The following TMCC1 variants were observed in gnomAD, a reference collection of about 807,000 sequenced individuals.
TMCC1 encodes the protein transmembrane and coiled-coil domains protein 1.
TMCC1 carries 15 observed loss-of-function variants against 52.4 expected under a neutral mutation model. That is an observed-to-expected ratio of 0.29 (90% CI 0.19 to 0.44). The LOEUF (loss-of-function observed/expected upper bound fraction) is 0.44. Among genes scored for constraint, TMCC1 ranks in the 20% least tolerant of loss-of-function variants. The probability of loss-of-function intolerance (pLI) is 1.00; values close to 1 mark genes in which losing one functional copy is unlikely to be tolerated. For missense variants in TMCC1, 503 were observed against 806.0 expected (o/e 0.62, Z 4.55); for synonymous variants, 279 against 301.9 (o/e 0.92, Z 0.79).
chr3:129,651,461 C>A lies in TMCC1; in HGVS notation c.*20G>T. The A allele has an allele frequency of 1.2e-6, 2 of 1,606,542 alleles. No individual in the cohort carries two copies. The highest frequency in any genetic ancestry group is 1.7e-6 in the Non-Finnish European group (2 of 1,175,234). On this transcript the variant is annotated 3_prime_UTR_variant, in exon 7 of 7. Transcript: ENST00000393238. This position sits in a 1 kb window ranked among gnomAD's most constrained non-coding sequence, Gnocchi z 5.1. ...CATGCACTCGCCAGAGGGTAGGGAA[C>A]AATGCCTTCTGTGCCAGCATCATCT...
intron 2 of TMCC1, among the ~76,000 whole-genome samples, chr3:129,839,572 C>T (rs1410221445): frequency 3.3e-5 from 5 of 152,004 alleles, no homozygotes; most frequent in East Asian, 3.9e-4. Flanking sequence ...CTAGGCAACA[C>T]GGCAAGACCT....
At chr3:129,696,901 T>C (rs1434020136) in intron 4 of TMCC1, among the ~76,000 whole-genome samples, 4 of 152,214 alleles carry the variant, frequency 2.6e-5, no homozygotes, top group African/African-American at 9.6e-5. Flanking sequence ...TGAGCTCCCA[T>C]GGCCTTGGGC....
intron 2 of TMCC1, chr3:129,847,710 C>T (rs917200845): frequency 2.0e-5 from 3 of 152,126 alleles, no homozygotes; most frequent in East Asian, 1.9e-4. Context: ...ATGGATGAAT[C>T]GTATGGCATC....
intron 4 of TMCC1, among the ~76,000 whole-genome samples, chr3:129,779,678 A>G (rs1198865185): frequency 6.6e-6 from 1 of 152,200 alleles, no homozygotes; most frequent in East Asian, 1.9e-4. Flanking sequence ...TTATGAAGAC[A>G]TATCTTTCCA....
chr3:129,855,761 G>C (rs967287954), intron 2 of TMCC1, among the ~76,000 whole-genome samples: 5 of 152,160 alleles, frequency 3.3e-5, no homozygotes, highest in African/African-American at 1.2e-4. Context: ...TCGATGGTAA[G>C]CAAACAGTTC....
At chr3:129,775,680 T>C in intron 4 of TMCC1, among the ~76,000 whole-genome samples, 1 of 152,134 alleles carries the variant, frequency 6.6e-6, no homozygotes, top group East Asian at 1.9e-4. Context: ...ACTGGTTCTT[T>C]TCCTCATTTC....
Position 129,651,858 on chromosome 3 carries a change from G to GC in TMCC1, c.1648-64dup. ...CACAAGTATTCTGAGATGCTGACAT[G>GC]CCCCCTGGGCAAGCCAGATGCATCT... On this transcript the variant is annotated intron_variant, in intron 6 of 6. Coordinates refer to ENST00000393238, the MANE Select transcript of TMCC1 (RefSeq NM_001017395.5). The surrounding 1 kb of genome is among the most constrained non-coding windows in gnomAD (Gnocchi z 5.1). 6.5e-7 allele frequency: 1 copy of GC among 1,528,914 alleles called. No homozygotes were observed. Among genetic ancestry groups the GC allele is most frequent in the Non-Finnish European group, 8.8e-7 (1 of 1,138,874 alleles). 94.7% of individuals were successfully genotyped at this position (1,528,914 alleles called of 1,614,324 possible). A position where few individuals can be genotyped will look rare whatever the true frequency, so the allele number is the denominator to read the frequency against.
intron 4 of TMCC1, chr3:129,819,036 G>A (rs1016770009): frequency 1.5e-4 from 23 of 152,768 alleles, no homozygotes; most frequent in African/African-American, 5.1e-4. Flanking sequence ...AGCCTAAGAC[G>A]AAATGAAATA....
chr3:129,724,945 GAAAT>G (rs2049955361), intron 4 of TMCC1, among the ~76,000 whole-genome samples: 2 of 152,060 alleles, frequency 1.3e-5, no homozygotes, highest in Admixed American at 6.5e-5. Flanking sequence ...AAGGAATAAA[GAAAT>G]AAAAACTTTT....
chr3:129,701,148 T>C (rs955864326), intron 4 of TMCC1, among the ~76,000 whole-genome samples: 3 of 152,018 alleles, frequency 2.0e-5, no homozygotes, highest in African/African-American at 7.2e-5. Context: ...GATGACTGAG[T>C]GAATAAGTTT....
In TMCC1 at chr3:129,676,036, C is replaced by CAAAA. The variant is rs61105005; in HGVS notation, c.577-4776_577-4773dup. Among the ~76,000 whole-genome samples, 62 of 46,264 alleles carry CAAAA rather than the reference C, an allele frequency of 1.3e-3. 1 individual carries two copies. The highest frequency in any genetic ancestry group is 4.7e-3 in the African/African-American group (57 of 12,108). The allele number at this position is 46,264 out of a possible 152,430, so 30.4% of individuals were successfully genotyped here. ...TGGGCGACAGAGCGAGACTCTGTCT[C>CAAAA]AAAAAAAAAAAAAAAAAAAAAAAAA... On this transcript the variant is annotated intron_variant, in intron 4 of 6. Transcript: ENST00000393238.
At position 129,873,231 on chromosome 3, in the gene TMCC1, T is replaced by C. The variant is rs1280530119; in HGVS notation, c.-184+7078A>G. Among the ~76,000 whole-genome samples, 4 of 152,114 alleles carry C rather than the reference T, an allele frequency of 2.6e-5. No homozygotes were observed. The East Asian group carries it at 7.7e-4, about 29-fold the overall frequency. ...TTGGAAATTAATGGAGCTTTAATTCTAGTGGAAATGACACAGATTGGGGAT... is the reference window on the plus strand; with the variant it reads ...TTGGAAATTAATGGAGCTTTAATTCCAGTGGAAATGACACAGATTGGGGAT... On this transcript the variant is annotated intron_variant, in intron 2 of 6. Coordinates refer to ENST00000393238, the MANE Select transcript of TMCC1 (RefSeq NM_001017395.5).
intron 4 of TMCC1, among the ~76,000 whole-genome samples, chr3:129,714,042 A>G (rs2048888677): frequency 6.6e-6 from 1 of 152,226 alleles, no homozygotes; most frequent in African/African-American, 2.4e-5. Context: ...AACTTACTGT[A>G]AACCCAACTG....
At chr3:129,816,646 G>C (rs1311565928) in intron 4 of TMCC1, among the ~76,000 whole-genome samples, 1 of 152,090 alleles carries the variant, frequency 6.6e-6, no homozygotes, top group East Asian at 1.9e-4. Context: ...GGGTCTGATA[G>C]AAGAAATAGA....
At chr3:129,826,685 A>G (rs997875033) in intron 4 of TMCC1, among the ~76,000 whole-genome samples, 2 of 151,982 alleles carry the variant, frequency 1.3e-5, no homozygotes, top group South Asian at 4.1e-4. Flanking sequence ...CTCAATATTT[A>G]TATTTCCAGG....
At chr3:129,812,094 C>T (rs996526257) in intron 4 of TMCC1, among the ~76,000 whole-genome samples, 1 of 152,012 alleles carries the variant, frequency 6.6e-6, no homozygotes, top group Non-Finnish European at 1.5e-5. Context: ...ATAATCCCAG[C>T]ACTTTGGGAG....
At chr3:129,821,244 A>T (rs2058404987) in intron 4 of TMCC1, among the ~76,000 whole-genome samples, 1 of 152,168 alleles carries the variant, frequency 6.6e-6, no homozygotes, top group South Asian at 2.1e-4. Context: ...AGATGTGTAC[A>T]TGTGCAAAGA....
chr3:129,823,983 G>A (rs189253972), intron 4 of TMCC1, among the ~76,000 whole-genome samples: 1 of 152,234 alleles, frequency 6.6e-6, no homozygotes, highest in African/African-American at 2.4e-5. Context: ...CCATTACGTT[G>A]AGCCTTCATC....
chr3:129,858,537 A>AT (rs1335976836), intron 2 of TMCC1, among the ~76,000 whole-genome samples: 3 of 151,868 alleles, frequency 2.0e-5, no homozygotes, highest in African/African-American at 7.3e-5. Flanking sequence ...CGTCCAGCTA[A>AT]TTTTTTGTAT....
Sources: gnomAD v4.1 joint callset for allele counts (sites outside exome capture counted in the v4.1 genomes callset) on GRCh38, gnomAD v4.1.1 for gene constraint, Gnocchi (gnomAD v3.1) non-coding constraint, MANE v1.5 for transcripts, NCBI Gene and HGNC (gene_info 2026-07-23, HGNC 2026-07-21) for gene names.